The following CATSPERE variants were observed in gnomAD, a reference collection of about 807,000 sequenced individuals.
CATSPERE encodes the protein catsper channel auxiliary subunit epsilon.
In CATSPERE, 93 loss-of-function variants were observed where a neutral mutation model predicts 114.1. That is an observed-to-expected ratio of 0.81 (90% CI 0.69 to 0.97). The LOEUF (loss-of-function observed/expected upper bound fraction) is 0.97. Ranked by LOEUF, CATSPERE falls within the 50% of genes least tolerant of loss-of-function variation. CATSPERE has a pLI of 0.00. For synonymous variants in CATSPERE, 341 were observed against 384.1 expected (o/e 0.89, Z 1.31); for missense variants, 1,058 against 1,131.6 (o/e 0.93, Z 0.93).
chr1:244,570,600 T>C (rs1664290731), intron 10 of CATSPERE, among the ~76,000 whole-genome samples: 1 of 152,238 alleles, frequency 6.6e-6, no homozygotes, highest in Non-Finnish European at 1.5e-5. Flanking sequence ...CCACATTATC[T>C]TTTAAATCAT....
chr1:244,511,316 T>C (rs1675720874), intron 7 of CATSPERE, among the ~76,000 whole-genome samples: 1 of 152,246 alleles, frequency 6.6e-6, no homozygotes, highest in East Asian at 1.9e-4. Flanking sequence ...GGAATAACTT[T>C]TTATATGCCT....
At chr1:244,482,355 G>A (rs903003449) in intron 5 of CATSPERE, among the ~76,000 whole-genome samples, 2 of 151,822 alleles carry the variant, frequency 1.3e-5, no homozygotes, top group African/African-American at 4.8e-5. Flanking sequence ...TAGTCCCAAC[G>A]ACTTAGGAGG....
At chr1:244,637,342 C>G (rs1674758275) in intron 21 of CATSPERE, among the ~76,000 whole-genome samples, 1 of 152,138 alleles carries the variant, frequency 6.6e-6, no homozygotes, top group Admixed American at 6.5e-5. Flanking sequence ...ACGTCAAGCC[C>G]CACCATCAGT....
Position 244,552,664 on chromosome 1 carries a change from G to A in CATSPERE, c.879G>A (p.Ser293=), listed in dbSNP as rs35587664. The change falls in exon 9 of 22, where the codon TCG becomes TCA. Residue 293 remains serine (S), a synonymous_variant. Transcript: ENST00000366534. ...GGAGTGTGGCTCATGTGATCTTATC[G>A]CGGGATGGAATCGTTTTTCTTATAA... ...ERRSVAHVIL[S]RDGIVFLING... 0.072 allele frequency: 116,166 copies of A among 1,613,870 alleles called. 6,357 individuals are homozygous for A. The highest frequency in any genetic ancestry group is 0.29 in the African/African-American group (21,550 of 74,898).
chr1:244,477,843 A>G (rs1669613059), intron 3 of CATSPERE, 63 bp from the exon 4 acceptor site: 1 of 1,314,480 alleles, frequency 7.6e-7, no homozygotes, highest in Non-Finnish European at 1.1e-6. Context: ...AAAAAATAGT[A>G]AGGGAATTTT....
At chr1:244,603,217 G>A (rs4415547) in intron 17 of CATSPERE, among the ~76,000 whole-genome samples, 16,806 of 152,040 alleles carry the variant, frequency 0.11, 1,300 homozygotes, top group East Asian at 0.37. Context: ...CTAACCTTCC[G>A]CAGACCCCCT....
chr1:244,612,117 C>T (rs1362316664), intron 19 of CATSPERE, among the ~76,000 whole-genome samples: 1 of 152,104 alleles, frequency 6.6e-6, no homozygotes, highest in Non-Finnish European at 1.5e-5. Flanking sequence ...TTCCATTCTA[C>T]TACATGAGAA....
At chr1:244,563,523 G>A (rs1356814484) in intron 10 of CATSPERE, among the ~76,000 whole-genome samples, 2 of 152,206 alleles carry the variant, frequency 1.3e-5, no homozygotes, top group Non-Finnish European at 2.9e-5. Context: ...CAGTGATGAT[G>A]AGCTTTTTTC....
chr1:244,530,534 T>A (rs1679422695), intron 8 of CATSPERE, among the ~76,000 whole-genome samples: 1 of 152,090 alleles, frequency 6.6e-6, no homozygotes, highest in Non-Finnish European at 1.5e-5. Flanking sequence ...ATTTTAGGAT[T>A]TTTTTTTCCT....
At chr1:244,493,039 C>T (rs1197926243) in intron 6 of CATSPERE, among the ~76,000 whole-genome samples, 2 of 150,454 alleles carry the variant, frequency 1.3e-5, no homozygotes, top group Non-Finnish European at 3.0e-5. Flanking sequence ...TTTACAGATT[C>T]AATGCCATCC....
upstream of CATSPERE, among the ~76,000 whole-genome samples, chr1:244,460,789 C>T (rs915815358): frequency 9.9e-5 from 15 of 152,228 alleles, no homozygotes; most frequent in African/African-American, 3.6e-4. Flanking sequence ...TGGCGCACGC[C>T]TGTAATCCCA....
intron 8 of CATSPERE, among the ~76,000 whole-genome samples, chr1:244,533,020 A>G (rs1399555242): frequency 6.6e-6 from 1 of 152,000 alleles, no homozygotes; most frequent in Non-Finnish European, 1.5e-5. Flanking sequence ...TTTGCCTTAT[A>G]TGTCTGGGTG....
In CATSPERE at chr1:244,575,504, C is replaced by A. The variant is rs978778370; in HGVS notation, c.1950+2732C>A. ...CCGAGGGTGGCAGGACGTACCTGAG[C>A]AGCACAGAAGGCTTGGGGCTCGACA... On this transcript the variant is annotated intron_variant, in intron 11 of 21. Coordinates refer to ENST00000366534, the MANE Select transcript of CATSPERE (RefSeq NM_001130957.2). The surrounding 1 kb of genome is among the most constrained non-coding windows in gnomAD (Gnocchi z 4.5). 6.6e-6 allele frequency among the ~76,000 whole-genome samples: 1 copy of A among 152,230 alleles called. No homozygotes were observed. Among genetic ancestry groups the A allele is most frequent in the East Asian group, 1.9e-4 (1 of 5,196 alleles).
At chr1:244,585,708 C>T (rs1666926867) in intron 13 of CATSPERE, among the ~76,000 whole-genome samples, 1 of 152,224 alleles carries the variant, frequency 6.6e-6, no homozygotes, top group African/African-American at 2.4e-5. Context: ...CTTGCTAAAC[C>T]TGCTGGACCG....
intron 11 of CATSPERE, among the ~76,000 whole-genome samples, chr1:244,580,893 CG>C (rs1666073121): frequency 6.6e-6 from 1 of 151,928 alleles, no homozygotes; most frequent in South Asian, 2.1e-4. Context: ...CCCAGCTACT[CG>C]GGAGGCTGAG....
intron 17 of CATSPERE, among the ~76,000 whole-genome samples, chr1:244,595,310 C>T (rs12564773): frequency 0.18 from 27,862 of 152,062 alleles, 3,677 homozygotes; most frequent in East Asian, 0.39. Flanking sequence ...AAGATTCCAA[C>T]CCAGCTATAA....
chr1:244,487,997 C>CTGACACTAGAAAGAATTCA (rs2148206029), intron 5 of CATSPERE, among the ~76,000 whole-genome samples: 1 of 152,294 alleles, frequency 6.6e-6, no homozygotes, highest in Admixed American at 6.5e-5. Flanking sequence ...AACCAGAGTT[C>CTGACACTAGAAAGAATTCA]TGACACTAGA....
intron 1 of CATSPERE, among the ~76,000 whole-genome samples, chr1:244,455,652 G>T (rs994034138): frequency 2.0e-5 from 3 of 151,748 alleles, no homozygotes; most frequent in Non-Finnish European, 4.4e-5. Context: ...CTGGAAAAAG[G>T]TCTTTTTTTC....
At chr1:244,484,306 A>G (rs1448956830) in intron 5 of CATSPERE, among the ~76,000 whole-genome samples, 3 of 152,202 alleles carry the variant, frequency 2.0e-5, no homozygotes, top group Non-Finnish European at 4.4e-5. Flanking sequence ...CCAGCAAGTT[A>G]TTTTATAAAT....
Sources: allele counts gnomAD v4.1 joint callset (sites outside exome capture counted in the v4.1 genomes callset), GRCh38; gene constraint gnomAD v4.1.1; non-coding constraint Gnocchi (gnomAD v3.1); transcripts MANE v1.5; gene names NCBI Gene and HGNC (gene_info 2026-07-23, HGNC 2026-07-21).